The following KCNH4 variants were observed in gnomAD, a reference collection of about 807,000 sequenced individuals.
KCNH4 encodes potassium voltage-gated channel subfamily H member 4, also known as voltage-gated delayed rectifier potassium channel KCNH4.
In KCNH4, 33 loss-of-function variants were observed where a neutral mutation model predicts 90.7. That is an observed-to-expected ratio of 0.36 (90% confidence interval 0.28 to 0.49). The LOEUF (loss-of-function observed/expected upper bound fraction) is 0.49. Among genes scored for constraint, KCNH4 ranks in the 20% least tolerant of loss-of-function variants. The pLI is 0.98. For missense variants in KCNH4, 1,044 were observed against 1,387.1 expected, an observed-to-expected ratio of 0.75 and a Z score of 3.93; for synonymous variants, 551 against 581.7, an observed-to-expected ratio of 0.95 and a Z score of 0.76.
At chr17:42,158,997 A>G (rs993992308) in intron 16 of KCNH4, among the ~76,000 whole-genome samples, 31 of 151,996 alleles carry the variant, frequency 2.0e-4, no homozygotes, top group African/African-American at 7.5e-4. Flanking sequence ...CATTTTGTAG[A>G]GAAATTGGAA....
Position 42,180,937 on chromosome 17 carries a change from G to C in KCNH4, c.9C>G (p.Val3=). MP[V]MKGLLAPQNT... is the part of the protein sequence containing the mutation. ...TTTGCGGGGCCAGCAACCCCTTCATGACCGGCATGGCCCCGGGGCGTGGGT... is the reference window on the plus strand; with the variant it reads ...TTTGCGGGGCCAGCAACCCCTTCATCACCGGCATGGCCCCGGGGCGTGGGT... Residue 3 remains valine (V), a synonymous_variant, in exon 1 of 17, where the codon GTC becomes GTG. Coordinates refer to ENST00000264661, the MANE Select transcript of KCNH4 (RefSeq NM_012285.3). The surrounding 1 kb of genome is among the most constrained non-coding windows in gnomAD (Gnocchi z 4.7). The C allele has an allele frequency of 6.2e-7, 1 of 1,613,434 alleles. No individual in the cohort carries two copies. The highest frequency in any genetic ancestry group is 8.5e-7 in the Non-Finnish European group (1 of 1,179,704).
intron 9 of KCNH4, 62 bp downstream of exon 9, chr17:42,169,415 T>C: frequency 6.7e-7 from 1 of 1,495,024 alleles, no homozygotes; most frequent in Non-Finnish European, 9.3e-7. Context: ...AGCGACTCCT[T>C]CCCCACCCCA....
Position 42,163,508 on chromosome 17 carries a change from C to T in KCNH4, c.2477+98G>A, listed in dbSNP as rs924624320. 6.0e-5 allele frequency: 45 copies of T among 751,680 alleles called. No individual in the cohort carries two copies. Among genetic ancestry groups the T allele is most frequent in the African/African-American group, 1.4e-4 (8 of 57,224 alleles). 46.6% of individuals were successfully genotyped at this position (751,680 alleles called of 1,614,324 possible). A position where few individuals can be genotyped will look rare whatever the true frequency, so the allele number is the denominator to read the frequency against. On this transcript the variant is annotated intron_variant, in intron 13 of 16. Transcript: ENST00000264661. The surrounding 1 kb of genome is among the most constrained non-coding windows in gnomAD (Gnocchi z 5.4). ...GGTGCGGTGGGCACACGGGCAGAGA[C>T]GGAATGTAGCACTGTTTGGAACGCC... is the stretch of plus-strand genomic sequence containing the variant.
At chr17:42,162,502 C>G (rs2144120462) in intron 14 of KCNH4, among the ~76,000 whole-genome samples, 181 bp from the exon 15 acceptor site, 1 of 152,324 alleles carries the variant, frequency 6.6e-6, no homozygotes, top group Middle Eastern at 3.4e-3. Flanking sequence ...AACTCTCCAG[C>G]CTCATCCTGC....
Position 42,166,503 on chromosome 17 carries a change from A to G in KCNH4, c.1634T>C (p.Met545Thr). The G allele has an allele frequency of 6.2e-7, 1 of 1,613,912 alleles. No homozygotes were observed. The highest frequency in any genetic ancestry group is 1.1e-5 in the South Asian group (1 of 91,078). ...CTGCAGGATCTCCCGATTCAGGTGC[A>G]TAGCAATGTCAGCTCTCAGCTCGTC... ...FPDELRADIA[M>T]HLNREILQLP... The change falls in exon 10 of 17, where the codon ATG (methionine) becomes ACG (threonine). Residue 545 changes from methionine (M) to threonine (T), a missense_variant. Met to Thr is a moderately conservative substitution (Grantham distance 81, BLOSUM62 -1). This residue lies in a region of KCNH4 where 318 missense variants were observed against 479.6 expected (regional missense o/e 0.66). Coordinates refer to ENST00000264661, the MANE Select transcript of KCNH4 (RefSeq NM_012285.3).
In KCNH4 at chr17:42,175,575, TCAC is replaced by T; in HGVS notation, c.987+1_987+3del. 1 of 1,614,118 alleles carries T rather than the reference TCAC, an allele frequency of 6.2e-7. No homozygotes were observed. Among genetic ancestry groups the T allele is most frequent in the Non-Finnish European group, 8.5e-7 (1 of 1,180,016 alleles). On this transcript the variant is annotated splice_donor_variant and splice_donor_region_variant and intron_variant, in intron 6 of 16. Transcript: ENST00000264661. LOFTEE classifies it high-confidence loss of function. ...GACTGGATGGCGGGATGGAGGTCAC[TCAC>T]CACGGTGATGTTGAAGATGTAAAGC... is the stretch of plus-strand genomic sequence containing the variant.
rs754168704 is a variant in KCNH4, at chr17:42,169,472, G to T, written c.1590+5C>A. The T allele has an allele frequency of 2.5e-6, 4 of 1,612,334 alleles. No homozygotes were observed. The highest frequency in any genetic ancestry group is 8.5e-7 in the Non-Finnish European group (1 of 1,179,834). On this transcript the variant is annotated splice_donor_5th_base_variant and intron_variant, in intron 9 of 16. Coordinates refer to ENST00000264661, the MANE Select transcript of KCNH4 (RefSeq NM_012285.3). ...AAGGGCAAGATTGGAGACCCTGCAG[G>T]CTACCTCGTTGGCGTCGATGCCGCT...
In KCNH4 at chr17:42,167,836, C is replaced by T. The variant is rs950914729; in HGVS notation, c.1591-1290G>A. Among the ~76,000 whole-genome samples the T allele has an allele frequency of 4.6e-5, 7 of 152,350 alleles. No individual in the cohort carries two copies. In the South Asian group the frequency reaches 6.2e-4, roughly 14 times the overall value. On this transcript the variant is annotated intron_variant, in intron 9 of 16. Coordinates refer to ENST00000264661, the MANE Select transcript of KCNH4 (RefSeq NM_012285.3). ...CATTCCCTCCAAGATCCCCACACCA[C>T]TCCCCAGTCTAAACATTAAGCAGGA...
rs1163681635 is a variant in KCNH4 at position 42,180,549 on chromosome 17, C to A, written c.76+321G>T. ...TTGCCCCACTTCTGTGTCTCGGATA[C>A]CCCCATACACGCCCCCAGCACAGCT... On this transcript the variant is annotated intron_variant, in intron 1 of 16. Coordinates refer to ENST00000264661, the MANE Select transcript of KCNH4 (RefSeq NM_012285.3). The surrounding 1 kb of genome is among the most constrained non-coding windows in gnomAD (Gnocchi z 4.7). 6.6e-6 allele frequency among the ~76,000 whole-genome samples: 1 copy of A among 151,976 alleles called. No individual in the cohort carries two copies. The highest frequency in any genetic ancestry group is 1.5e-5 in the Non-Finnish European group (1 of 67,950).
rs750196475 is a variant in KCNH4 at position 42,169,577 on chromosome 17, T to C, written c.1490A>G (p.Asp497Gly). 6.2e-7 allele frequency: 1 copy of C among 1,613,868 alleles called. No individual in the cohort carries two copies. Among genetic ancestry groups the C allele is most frequent in the East Asian group, 2.2e-5 (1 of 44,884 alleles). ...LYHSRMKDLK[D>G]FIRVHRLPRP... The stretch of plus-strand genomic sequence containing the variant: ...CGGCAGGCGGTGCACACGGATGAAG[T>C]CCTTGAGGTCCTTCATGCGGCTGTG... The change falls in exon 9 of 17, where the codon GAC becomes GGC. Residue 497 changes from aspartate to glycine, a missense_variant. Asp to Gly is a moderately conservative substitution (Grantham distance 94). Coordinates refer to ENST00000264661, the MANE Select transcript of KCNH4 (RefSeq NM_012285.3).
chr17:42,173,769 C>T (rs1195355733), intron 6 of KCNH4, among the ~76,000 whole-genome samples: 7 of 123,924 alleles, frequency 5.6e-5, no homozygotes, highest in Non-Finnish European at 9.5e-5. Flanking sequence ...GGCGCAATCT[C>T]GGCTCACTGA....
In KCNH4 at chr17:42,163,701, G is replaced by C; in HGVS notation, c.2382C>G (p.Ser794=). 6.6e-7 allele frequency: 1 copy of C among 1,516,138 alleles called. No individual in the cohort carries two copies. The highest frequency in any genetic ancestry group is 8.8e-7 in the Non-Finnish European group (1 of 1,134,066). 93.9% of individuals were successfully genotyped at this position (1,516,138 alleles called of 1,614,324 possible). A position where few individuals can be genotyped will look rare whatever the true frequency, so the allele number is the denominator to read the frequency against. Residue 794 remains serine, a synonymous_variant, in exon 13 of 17, where the codon TCC becomes TCG. Coordinates refer to ENST00000264661, the MANE Select transcript of KCNH4 (RefSeq NM_012285.3). The surrounding 1 kb of genome is among the most constrained non-coding windows in gnomAD (Gnocchi z 5.4). ...CAGAGCACCTGGGGGGGCCGTGAGGGGAGGCACTGTGGCCCTGGCCAGCCA... is the reference window on the plus strand; with the variant it reads ...CAGAGCACCTGGGGGGGCCGTGAGGCGAGGCACTGTGGCCCTGGCCAGCCA... ...PALAGQGHSA[S]PHGPPRCSAA... is the part of the protein sequence containing the mutation.
Position 42,180,827 on chromosome 17 carries a change from C to G in KCNH4, c.76+43G>C. Reference sequence around the variant, plus strand: ...TCCGAGACGGCCCCGAGGATACTTGCCCCCCAGCTCGAACCTCAAGCCCCG... The same window carrying G: ...TCCGAGACGGCCCCGAGGATACTTGGCCCCCAGCTCGAACCTCAAGCCCCG... On this transcript the variant is annotated intron_variant, in intron 1 of 16. Transcript: ENST00000264661. The surrounding 1 kb of genome is among the most constrained non-coding windows in gnomAD (Gnocchi z 4.7). The G allele has an allele frequency of 6.3e-7, 1 of 1,583,140 alleles. No homozygotes were observed. The highest frequency in any genetic ancestry group is 8.7e-7 in the Non-Finnish European group (1 of 1,152,362).
chr17:42,165,367 G>A (rs1000457651), intron 11 of KCNH4, 82 bp downstream of exon 11: 4 of 1,551,708 alleles, frequency 2.6e-6, no homozygotes, highest in Admixed American at 1.7e-5. Context: ...GTGGAGGGAG[G>A]TTCATGGGAC....
chr17:42,169,562 T>G lies in KCNH4; in HGVS notation c.1505A>C (p.His502Pro), dbSNP rs1598272975. Residue 502 changes from histidine to proline, a missense_variant, in exon 9 of 17, where the codon CAC becomes CCC. His to Pro is a moderately conservative substitution (Grantham distance 77, BLOSUM62 -2). This residue lies in a region of KCNH4 where 318 missense variants were observed against 479.6 expected (regional missense o/e 0.66). Transcript: ENST00000264661. ...CTGCTTGAGCGGCCGCGGCAGGCGG[T>G]GCACACGGATGAAGTCCTTGAGGTC... is the stretch of plus-strand genomic sequence containing the variant. ...MKDLKDFIRV[H>P]RLPRPLKQRM... is the part of the protein sequence containing the mutation. 6.2e-7 allele frequency: 1 copy of G among 1,613,726 alleles called. No individual in the cohort carries two copies.
rs56134342 is a variant in KCNH4 at position 42,158,462 on chromosome 17, C to T, written c.*309+1269G>A. Among the ~76,000 whole-genome samples the T allele has an allele frequency of 2.3e-3, 341 of 148,938 alleles. 1 individual carries two copies. Among genetic ancestry groups the T allele is most frequent in the African/African-American group, 8.0e-3 (324 of 40,398 alleles). On this transcript the variant is annotated intron_variant, in intron 16 of 16. Coordinates refer to ENST00000264661, the MANE Select transcript of KCNH4 (RefSeq NM_012285.3). The stretch of plus-strand genomic sequence containing the variant: ...AGGAGAATGGCGTGAACCCGGGAGG[C>T]GGAGTTTGCAGTGAGCCGAGATTGC...
chr17:42,180,885 G>T lies in KCNH4; in HGVS notation c.61C>A (p.Arg21Ser). Residue 21 changes from arginine to serine, a missense_variant, in exon 1 of 17, where the codon CGT (arginine) becomes AGT (serine). Transcript: ENST00000264661. This position sits in a 1 kb window ranked among gnomAD's most constrained non-coding sequence, Gnocchi z 4.7. ...QNTFLDTIAT[R>S]FDGTHSNFLL... ...TCCCACTCACGCGTTCCGTCAAAAC[G>T]GGTGGCGATGGTGTCCAGGAAGGTG... 2 of 1,613,890 alleles carry T rather than the reference G, an allele frequency of 1.2e-6. No individual in the cohort carries two copies. The highest frequency in any genetic ancestry group is 1.7e-6 in the Non-Finnish European group (2 of 1,179,892).
Position 42,163,383 on chromosome 17 carries a change from C to T in KCNH4, c.2478-49G>A. On this transcript the variant is annotated intron_variant, in intron 13 of 16. Transcript: ENST00000264661. The surrounding 1 kb of genome is among the most constrained non-coding windows in gnomAD (Gnocchi z 5.4). Reference sequence around the variant, plus strand: ...AGCACCATGGGGTGAGGGTAAGGGCCAGAGCAGAGCAGACAGAGGGGGACT... The same window carrying T: ...AGCACCATGGGGTGAGGGTAAGGGCTAGAGCAGAGCAGACAGAGGGGGACT... The T allele has an allele frequency of 7.5e-7, 1 of 1,341,330 alleles. No homozygotes were observed. The highest frequency in any genetic ancestry group is 1.1e-6 in the Non-Finnish European group (1 of 940,626). The allele number at this position is 1,341,330 out of a possible 1,614,324, so 83.1% of individuals were successfully genotyped here.
intron 16 of KCNH4, among the ~76,000 whole-genome samples, chr17:42,158,176 C>T (rs2144114244): frequency 6.6e-6 from 1 of 152,020 alleles, no homozygotes; most frequent in Admixed American, 6.5e-5. Flanking sequence ...AATCCACCTG[C>T]CTCGGCCTCC....
Sources: gnomAD v4.1 joint callset for allele counts (sites outside exome capture counted in the v4.1 genomes callset) on GRCh38, gnomAD v4.1.1 for gene constraint, gnomAD v4.1.1 regional missense constraint, Gnocchi (gnomAD v3.1) non-coding constraint, MANE v1.5 for transcripts, NCBI Gene and HGNC (gene_info 2026-07-23, HGNC 2026-07-21) for gene names.